Variants in FBXL7 observed in about 807,000 individuals in gnomAD.
The protein encoded by FBXL7 is F-box and leucine rich repeat protein 7, also known as F-box/LRR-repeat protein 7.
FBXL7 carries 12 observed loss-of-function variants against 38.3 expected under a neutral mutation model. The ratio of observed to expected loss-of-function variants is 0.31; its 90% CI spans 0.20 to 0.51. The LOEUF is 0.51. Among genes scored for constraint, FBXL7 ranks in the 20% least tolerant of loss-of-function variants. The pLI, the probability that FBXL7 is intolerant of heterozygous loss-of-function variation, is 0.98. For missense variants in FBXL7, 567 were observed against 676.4 expected (o/e 0.84, Z 1.79); for synonymous variants, 297 against 300.9 (o/e 0.99, Z 0.13).
At position 15,939,179 on chromosome 5, in the gene FBXL7, G is replaced by T; in HGVS notation, c.*1993G>T. On this transcript the variant is annotated 3_prime_UTR_variant, in exon 4 of 4. Coordinates refer to ENST00000504595, the MANE Select transcript of FBXL7 (RefSeq NM_012304.5). ...ATCATCAAATTACATGTGTAATCAA[G>T]GCTCTGTGCCATGGGGGAAATGAAT... 2.5e-6 allele frequency: 1 copy of T among 397,522 alleles called. No homozygotes were observed. The highest frequency in any genetic ancestry group is 1.4e-4 in the South Asian group (1 of 7,312). The allele number at this position is 397,522 out of a possible 1,614,324, so 24.6% of individuals were successfully genotyped here.
chr5:15,510,186 A>T (rs1469828667), intron 1 of FBXL7, among the ~76,000 whole-genome samples: 2 of 152,244 alleles, frequency 1.3e-5, no homozygotes, highest in Admixed American at 1.3e-4. Context: ...GCCATGAGCA[A>T]TGTGTAGAAA....
chr5:15,604,150 G>A (rs1179959744), intron 1 of FBXL7, among the ~76,000 whole-genome samples: 11 of 152,148 alleles, frequency 7.2e-5, no homozygotes, highest in South Asian at 2.1e-4. Context: ...CTGGGCAACA[G>A]AGTGATACTC....
chr5:15,615,958 A>C lies in FBXL7; in HGVS notation c.38-25A>C, dbSNP rs762639979. ...CAGGTCTGAAATTACAAATCTCAAA[A>C]GCTGCTCATTCCTGTTTCTTCCAGG... is the stretch of plus-strand genomic sequence containing the variant. On this transcript the variant is annotated intron_variant, in intron 1 of 3. Coordinates refer to ENST00000504595, the MANE Select transcript of FBXL7 (RefSeq NM_012304.5). 5 of 1,569,198 alleles carry C rather than the reference A, an allele frequency of 3.2e-6. No individual in the cohort carries two copies. The Admixed American group carries it at 8.4e-5, about 26-fold the overall frequency.
chr5:15,678,811 G>A (rs969705116), intron 2 of FBXL7, among the ~76,000 whole-genome samples: 1 of 152,090 alleles, frequency 6.6e-6, no homozygotes, highest in African/African-American at 2.4e-5. Context: ...TGATTATGAG[G>A]CCTCCTTGGC....
rs1297303150 is a variant in FBXL7, at chr5:15,733,382, C to CG, written c.127+117310_127+117311insG. ...CTGGGATTACAGGCGTGAGCCACCG[C>CG]CCCGGCCAGAAATCATATTTAATGT... On this transcript the variant is annotated intron_variant, in intron 2 of 3. Coordinates refer to ENST00000504595, the MANE Select transcript of FBXL7 (RefSeq NM_012304.5). Among the ~76,000 whole-genome samples, 3 of 65,584 alleles carry CG rather than the reference C, an allele frequency of 4.6e-5. No homozygotes were observed. In the East Asian group the frequency reaches 2.6e-3, roughly 56 times the overall value. 43.0% of individuals were successfully genotyped at this position (65,584 alleles called of 152,430 possible).
intron 2 of FBXL7, among the ~76,000 whole-genome samples, chr5:15,872,126 C>T (rs140280894): frequency 1.5e-3 from 221 of 152,232 alleles, no homozygotes; most frequent in African/African-American, 4.9e-3. Context: ...CAGTGGGGGA[C>T]AATATTCAAC....
chr5:15,842,408 C>A (rs1012376031), intron 2 of FBXL7, among the ~76,000 whole-genome samples: 4 of 152,212 alleles, frequency 2.6e-5, no homozygotes, highest in African/African-American at 7.2e-5. Context: ...AAGTAACTAA[C>A]TTTCTTTCGA....
intron 2 of FBXL7, among the ~76,000 whole-genome samples, chr5:15,846,411 G>A (rs1411914096): frequency 2.6e-5 from 4 of 152,112 alleles, no homozygotes; most frequent in South Asian, 4.1e-4. Context: ...TATGTGAACC[G>A]AGGCACAATA....
intron 2 of FBXL7, among the ~76,000 whole-genome samples, chr5:15,649,140 G>C (rs541552879): frequency 1.3e-5 from 2 of 152,156 alleles, no homozygotes; most frequent in East Asian, 1.9e-4. Flanking sequence ...GGAACTACAG[G>C]CATAAGCCAC....
At chr5:15,559,776 G>A (rs565836773) in intron 1 of FBXL7, among the ~76,000 whole-genome samples, 13 of 152,332 alleles carry the variant, frequency 8.5e-5, no homozygotes, top group African/African-American at 2.6e-4. Flanking sequence ...AAAACGCCTG[G>A]AGGCATGATT....
chr5:15,765,296 A>T (rs1232604954), intron 2 of FBXL7, among the ~76,000 whole-genome samples: 1 of 152,086 alleles, frequency 6.6e-6, no homozygotes, highest in East Asian at 1.9e-4. Flanking sequence ...AACATGGATG[A>T]CATTCACAAA....
chr5:15,812,755 A>G (rs901970952), intron 2 of FBXL7, among the ~76,000 whole-genome samples: 1 of 152,110 alleles, frequency 6.6e-6, no homozygotes, highest in Non-Finnish European at 1.5e-5. Context: ...GATTCTTCCT[A>G]TCCATGAGCA....
intron 2 of FBXL7, among the ~76,000 whole-genome samples, chr5:15,920,991 G>A: frequency 6.6e-6 from 1 of 152,068 alleles, no homozygotes; most frequent in East Asian, 1.9e-4. Flanking sequence ...CTGCCTTCAT[G>A]ACACTTGTAG....
chr5:15,653,343 A>G (rs2126573270), intron 2 of FBXL7, among the ~76,000 whole-genome samples: 1 of 152,306 alleles, frequency 6.6e-6, no homozygotes. Context: ...AAGCAAAGTT[A>G]CAGTAAAATG....
At chr5:15,580,794 GTCTA>G in intron 1 of FBXL7, 2 of 985,384 alleles carry the variant, frequency 2.0e-6, no homozygotes, top group Non-Finnish European at 2.4e-6. Flanking sequence ...GCTGCTCATG[GTCTA>G]TCTCAGTTGC....
intron 2 of FBXL7, among the ~76,000 whole-genome samples, chr5:15,686,289 A>C (rs542917190): frequency 2.0e-5 from 3 of 152,270 alleles, no homozygotes; most frequent in Admixed American, 1.3e-4. Context: ...TAAAGGAATA[A>C]ATTTATCTTT....
At position 15,929,335 on chromosome 5, in the gene FBXL7, G is replaced by A. The variant is rs987911857; in HGVS notation, c.739+834G>A. Among the ~76,000 whole-genome samples the A allele has an allele frequency of 2.0e-5, 3 of 152,364 alleles. No homozygotes were observed. In the East Asian group the frequency reaches 5.8e-4, roughly 29 times the overall value. On this transcript the variant is annotated intron_variant, in intron 3 of 3. Coordinates refer to ENST00000504595, the MANE Select transcript of FBXL7 (RefSeq NM_012304.5). ...ATCTTTAGTGCTTTTAAAAATTGAA[G>A]GAAGTCGGGCGTAGAGGCCCACGCC...
rs150163971 is a variant in FBXL7 at position 15,841,012 on chromosome 5, G to T, written c.128-86878G>T. On this transcript the variant is annotated intron_variant, in intron 2 of 3. Transcript: ENST00000504595. ...ATAGCAATGTCACTGGCTTTTGTGT[G>T]TCTTGTATCTGACAACACTATAGAA... Among the ~76,000 whole-genome samples, 846 of 152,162 alleles carry T rather than the reference G, an allele frequency of 5.6e-3. 5 individuals are homozygous for T. Among genetic ancestry groups the T allele is most frequent in the African/African-American group, 0.019 (801 of 41,500 alleles).
intron 2 of FBXL7, among the ~76,000 whole-genome samples, chr5:15,885,382 A>G (rs1181721086): frequency 1.3e-5 from 2 of 152,228 alleles, no homozygotes; most frequent in Non-Finnish European, 2.9e-5. Flanking sequence ...GTGACATCTT[A>G]CCACTTTTTC....
Sources: gnomAD v4.1 joint callset for allele counts (sites outside exome capture counted in the v4.1 genomes callset) on GRCh38, gnomAD v4.1.1 for gene constraint, MANE v1.5 for transcripts, NCBI Gene and HGNC (gene_info 2026-07-23, HGNC 2026-07-21) for gene names.